CNTN5: variants seen among roughly 807,000 people sequenced by gnomAD.
The protein encoded by CNTN5 is contactin-5.
A neutral mutation model predicts 129.1 loss-of-function variants in CNTN5; 77 were observed. The ratio of observed to expected loss-of-function variants is 0.60; its 90% CI spans 0.50 to 0.72. The LOEUF is 0.72. Among genes scored for constraint, CNTN5 ranks in the 30% least tolerant of loss-of-function variants. The pLI, the probability that CNTN5 is intolerant of heterozygous loss-of-function variation, is 0.00. For missense variants in CNTN5, 1,478 were observed against 1,328.8 expected (o/e 1.11, Z -1.75); for synonymous variants, 509 against 465.6 (o/e 1.09, Z -1.20).
intron 2 of CNTN5, among the ~76,000 whole-genome samples, chr11:99,381,068 T>C (rs1479508801): frequency 6.6e-6 from 1 of 152,152 alleles, no homozygotes; most frequent in Non-Finnish European, 1.5e-5. Context: ...CTCCAGATGA[T>C]ATCAGTATGG....
chr11:100,085,180 T>G (rs1052434154), intron 13 of CNTN5, among the ~76,000 whole-genome samples: 1 of 152,014 alleles, frequency 6.6e-6, no homozygotes, highest in Non-Finnish European at 1.5e-5. Context: ...CGGTCTTTTT[T>G]TCTGGGATAT....
chr11:100,227,453 A>G (rs1174240047), intron 16 of CNTN5, among the ~76,000 whole-genome samples: 1 of 151,924 alleles, frequency 6.6e-6, no homozygotes, highest in East Asian at 1.9e-4. Context: ...TTTAAGGACT[A>G]TTTTTTCCTC....
At chr11:100,240,053 T>C (rs1162324030) in intron 16 of CNTN5, among the ~76,000 whole-genome samples, 1 of 152,190 alleles carries the variant, frequency 6.6e-6, no homozygotes, top group African/African-American at 2.4e-5. Context: ...TCTGTATGAA[T>C]CAGTAAATCA....
Position 100,357,712 on chromosome 11 carries a change from T to C in CNTN5, c.*1492T>C, listed in dbSNP as rs534600361. The C allele has an allele frequency of 6.6e-6, 1 of 151,602 alleles. No homozygotes were observed. Among genetic ancestry groups the C allele is most frequent in the Non-Finnish European group, 1.5e-5 (1 of 67,768 alleles). 9.4% of individuals were successfully genotyped at this position (151,602 alleles called of 1,614,324 possible). A position where few individuals can be genotyped will look rare whatever the true frequency, so the allele number is the denominator to read the frequency against. ...TTGTTAACTGTATTTGCTTCATTAA[T>C]AACAAGCAAAATGAAACAATATGGA... On this transcript the variant is annotated 3_prime_UTR_variant, in exon 25 of 25. Coordinates refer to ENST00000524871, the MANE Select transcript of CNTN5 (RefSeq NM_014361.4).
At chr11:100,181,313 G>A (rs530304068) in intron 13 of CNTN5, among the ~76,000 whole-genome samples, 116 of 151,910 alleles carry the variant, frequency 7.6e-4, no homozygotes, top group African/African-American at 2.8e-3. Context: ...ATCCCCAAAA[G>A]TTATATACTG....
At chr11:99,242,510 G>A (rs1861612374) in intron 1 of CNTN5, among the ~76,000 whole-genome samples, 1 of 151,846 alleles carries the variant, frequency 6.6e-6, no homozygotes, top group Non-Finnish European at 1.5e-5. Context: ...TTTATGTTCG[G>A]AGGATACATA....
intron 3 of CNTN5, among the ~76,000 whole-genome samples, chr11:99,815,070 G>A (rs1470774173): frequency 6.6e-6 from 1 of 151,996 alleles, no homozygotes; most frequent in East Asian, 1.9e-4. Context: ...ACCTCCGTTT[G>A]GTTTCTGCCT....
chr11:99,224,361 T>G (rs1342702598), intron 1 of CNTN5, among the ~76,000 whole-genome samples: 3 of 152,186 alleles, frequency 2.0e-5, no homozygotes, highest in African/African-American at 4.8e-5. Flanking sequence ...CATCCTGTAT[T>G]TATTATATGG....
At chr11:100,312,188 A>C (rs1951485733) in intron 21 of CNTN5, among the ~76,000 whole-genome samples, 2 of 152,108 alleles carry the variant, frequency 1.3e-5, no homozygotes, top group Admixed American at 1.3e-4. Context: ...TTTACTTTTT[A>C]TAAACAGAAC....
At chr11:99,328,969 G>A (rs918934413) in intron 2 of CNTN5, among the ~76,000 whole-genome samples, 5 of 151,896 alleles carry the variant, frequency 3.3e-5, no homozygotes, top group African/African-American at 1.2e-4. Context: ...TGTATAAGTT[G>A]GTGTGAAACA....
intron 2 of CNTN5, among the ~76,000 whole-genome samples, chr11:99,504,191 A>G (rs751253501): frequency 2.3e-4 from 35 of 152,182 alleles, no homozygotes; most frequent in Non-Finnish European, 4.3e-4. Flanking sequence ...TAATATTTTG[A>G]TAATAATCCT....
chr11:99,572,323 A>G (rs1949200843), intron 3 of CNTN5, among the ~76,000 whole-genome samples: 1 of 152,264 alleles, frequency 6.6e-6, no homozygotes, highest in Non-Finnish European at 1.5e-5. Flanking sequence ...TTATGTTTTA[A>G]GAAAATTTAC....
intron 3 of CNTN5, among the ~76,000 whole-genome samples, chr11:99,648,878 C>T (rs781213731): frequency 4.0e-5 from 6 of 151,440 alleles, no homozygotes; most frequent in South Asian, 2.1e-4. Flanking sequence ...AGACTGGAAC[C>T]GAGAATTCTA....
At chr11:99,580,497 T>A (rs992963624) in intron 3 of CNTN5, among the ~76,000 whole-genome samples, 1 of 152,162 alleles carries the variant, frequency 6.6e-6, no homozygotes, top group East Asian at 1.9e-4. Context: ...AATTATTGCC[T>A]CAATTTCAGA....
At chr11:99,836,354 C>G (rs1249695796) in intron 4 of CNTN5, among the ~76,000 whole-genome samples, 1 of 146,368 alleles carries the variant, frequency 6.8e-6, no homozygotes, top group Non-Finnish European at 1.5e-5. Flanking sequence ...GAAGTGTTCT[C>G]ATTGTTCAAT....
chr11:100,178,103 G>A (rs960073691), intron 13 of CNTN5, among the ~76,000 whole-genome samples: 1 of 152,058 alleles, frequency 6.6e-6, no homozygotes, highest in Non-Finnish European at 1.5e-5. Context: ...TCAATGCACT[G>A]TAGCAAAACC....
At chr11:99,575,692 C>G (rs1406268516) in intron 3 of CNTN5, among the ~76,000 whole-genome samples, 1 of 152,142 alleles carries the variant, frequency 6.6e-6, no homozygotes, top group Non-Finnish European at 1.5e-5. Flanking sequence ...AGCAAAGGTT[C>G]ATGAACCTTC....
At chr11:99,106,292 G>A (rs1591199089) in intron 1 of CNTN5, among the ~76,000 whole-genome samples, 1 of 151,944 alleles carries the variant, frequency 6.6e-6, no homozygotes, top group Non-Finnish European at 1.5e-5. Flanking sequence ...AAAATAAAGT[G>A]CAGATAACAA....
chr11:99,472,847 C>T (rs1401920169), intron 2 of CNTN5, among the ~76,000 whole-genome samples: 1 of 152,074 alleles, frequency 6.6e-6, no homozygotes, highest in Non-Finnish European at 1.5e-5. Context: ...CGATAACAAA[C>T]ATTTTGGTTC....
Sources: gnomAD v4.1 joint callset for allele counts (sites outside exome capture counted in the v4.1 genomes callset) on GRCh38, gnomAD v4.1.1 for gene constraint, MANE v1.5 for transcripts, NCBI Gene and HGNC (gene_info 2026-07-23, HGNC 2026-07-21) for gene names.